PIGR: variants seen among roughly 807,000 people sequenced by gnomAD.
PIGR encodes polymeric immunoglobulin receptor.
Under a neutral mutation model 69.5 loss-of-function variants are expected in PIGR, and 22 were observed. The observed-to-expected ratio is 0.32, with a 90% CI of 0.23 to 0.45. The LOEUF is 0.45. Ranked by LOEUF, PIGR falls within the 20% of genes least tolerant of loss-of-function variation. The probability of loss-of-function intolerance (pLI) is 1.00; values close to 1 mark genes in which losing one functional copy is unlikely to be tolerated. For missense variants in PIGR, 885 were observed against 974.0 expected (o/e 0.91, Z 1.22); for synonymous variants, 413 against 407.6 (o/e 1.01, Z -0.16).
rs372226515 is a variant in PIGR at position 206,932,543 on chromosome 1, C to T, written c.1921G>A (p.Val641Ile). The change falls in exon 8 of 11, where the codon GTC (valine) becomes ATC (isoleucine). Residue 641 changes from valine (V) to isoleucine (I), a missense_variant. Coordinates refer to ENST00000356495, the MANE Select transcript of PIGR (RefSeq NM_002644.4). ...AGGCCCAGGGGCACCAGGGTGGAGA[C>T]CAGCGCTCTGGAGCTTCCACCTTGT... ...EEQGGSSRAL[V>I]STLVPLGLVL... is the part of the protein sequence containing the mutation. The T allele has an allele frequency of 2.5e-6, 4 of 1,613,920 alleles. No homozygotes were observed. The highest frequency in any genetic ancestry group is 2.5e-6 in the Non-Finnish European group (3 of 1,179,948).
At chr1:206,944,330 G>A (rs1572649891) in intron 1 of PIGR, among the ~76,000 whole-genome samples, 1 of 152,212 alleles carries the variant, frequency 6.6e-6, no homozygotes, top group East Asian at 1.9e-4. Context: ...AAAGTTAGCT[G>A]GGTGTGGTGG....
intron 1 of PIGR, among the ~76,000 whole-genome samples, chr1:206,944,306 G>A (rs1427927575): frequency 6.6e-6 from 1 of 151,996 alleles, no homozygotes; most frequent in East Asian, 1.9e-4. Flanking sequence ...AACCCCATCT[G>A]TACTAAAAGT....
In PIGR at chr1:206,935,403, G is replaced by A. The variant is rs1366920705; in HGVS notation, c.1378+83C>T. On this transcript the variant is annotated intron_variant, in intron 5 of 10. Coordinates refer to ENST00000356495, the MANE Select transcript of PIGR (RefSeq NM_002644.4). The surrounding 1 kb of genome is among the most constrained non-coding windows in gnomAD (Gnocchi z 4.4). Reference sequence around the variant, plus strand: ...GTCTGGCCCATCAGGGTGGAGGCGGGTGAAAAAGGAGGAAGAGTGGTTGGG... The same window carrying A: ...GTCTGGCCCATCAGGGTGGAGGCGGATGAAAAAGGAGGAAGAGTGGTTGGG... 9.8e-6 allele frequency: 12 copies of A among 1,221,650 alleles called. No homozygotes were observed. Among genetic ancestry groups the A allele is most frequent in the Middle Eastern group, 2.2e-4 (1 of 4,606 alleles). 75.7% of individuals were successfully genotyped at this position (1,221,650 alleles called of 1,614,324 possible). A position where few individuals can be genotyped will look rare whatever the true frequency, so the allele number is the denominator to read the frequency against.
rs777674452 is a variant in PIGR at position 206,937,441 on chromosome 1, A to G, written c.699T>C (p.Ala233=). 2 of 1,614,182 alleles carry G rather than the reference A, an allele frequency of 1.2e-6. No individual in the cohort carries two copies. Among genetic ancestry groups the G allele is most frequent in the Non-Finnish European group, 1.7e-6 (2 of 1,180,010 alleles). The stretch of plus-strand genomic sequence containing the variant: ...GCTCGGGCTTTAGCACTTGGAGGTC[A>G]GCATTCTTCTTATTACTATTGGAAT... ...GDDSNSNKKN[A]DLQVLKPEPE... Residue 233 remains alanine, a synonymous_variant, in exon 4 of 11, where the codon GCT becomes GCC. Transcript: ENST00000356495.
intron 1 of PIGR, among the ~76,000 whole-genome samples, chr1:206,945,780 T>A (rs540773431): frequency 4.3e-4 from 66 of 152,358 alleles, no homozygotes; most frequent in African/African-American, 1.6e-3. Context: ...ATGCGCACTA[T>A]CTAATTCCAG....
In PIGR at chr1:206,935,888, C is replaced by G; in HGVS notation, c.1046-70G>C. 1 of 1,217,298 alleles carries G rather than the reference C, an allele frequency of 8.2e-7. No homozygotes were observed. Among genetic ancestry groups the G allele is most frequent in the South Asian group, 1.5e-5 (1 of 68,788 alleles). 75.4% of individuals were successfully genotyped at this position (1,217,298 alleles called of 1,614,324 possible). On this transcript the variant is annotated intron_variant, in intron 4 of 10. Coordinates refer to ENST00000356495, the MANE Select transcript of PIGR (RefSeq NM_002644.4). The surrounding 1 kb of genome is among the most constrained non-coding windows in gnomAD (Gnocchi z 4.4). The stretch of plus-strand genomic sequence containing the variant: ...AAGAGCCTTGCGTGGCCTGAGAAGC[C>G]TTCTTCCCGGGGTCTCAGCCAGGAT...
Position 206,931,513 on chromosome 1 carries a change from G to A in PIGR, c.2183C>T (p.Pro728Leu). Residue 728 changes from proline to leucine, a missense_variant, in exon 10 of 11, where the codon CCC (proline) becomes CTC (leucine). Pro to Leu is a moderately conservative substitution (Grantham distance 98). Transcript: ENST00000356495. ...CCTCCTCACCCTTTTTGCCTTCTTG[G>A]GTTCTTTGGTCTCTGTGGTGCTCTC... ...TTESTTETKE[P>L]KKAKRSSKEE... 1 of 1,613,866 alleles carries A rather than the reference G, an allele frequency of 6.2e-7. No homozygotes were observed. The highest frequency in any genetic ancestry group is 8.5e-7 in the Non-Finnish European group (1 of 1,179,948).
chr1:206,944,968 G>A (rs531038860), intron 1 of PIGR, among the ~76,000 whole-genome samples: 3 of 152,270 alleles, frequency 2.0e-5, no homozygotes, highest in South Asian at 4.1e-4. Context: ...AGAATGAGAC[G>A]AAGGTGTGAA....
intron 2 of PIGR, 34 bp downstream of exon 2, chr1:206,940,455 T>C: frequency 6.5e-7 from 1 of 1,548,284 alleles, no homozygotes; most frequent in Non-Finnish European, 8.7e-7. Context: ...GCTGAAGGGG[T>C]GGAGCTTGGA....
At chr1:206,931,877 T>C (rs927765149) in intron 8 of PIGR, 75 bp from the exon 9 acceptor site, 56 of 1,550,394 alleles carry the variant, frequency 3.6e-5, no homozygotes, top group Middle Eastern at 4.3e-4. Context: ...TGCTTCTCTC[T>C]GGGCGGATCC....
chr1:206,930,851 C>T lies in PIGR; in HGVS notation c.2200-438G>A. The T allele has an allele frequency of 3.0e-6, 3 of 985,312 alleles. No individual in the cohort carries two copies. The highest frequency in any genetic ancestry group is 3.6e-6 in the Non-Finnish European group (3 of 829,906). 61.0% of individuals were successfully genotyped at this position (985,312 alleles called of 1,614,324 possible). On this transcript the variant is annotated intron_variant, in intron 10 of 10. Transcript: ENST00000356495. This position sits in a 1 kb window ranked among gnomAD's most constrained non-coding sequence, Gnocchi z 4.3. ...AACTCGTTCTAACTTTGCTAAATGC[C>T]AGAGATGTTTCAAGAAAAAGTAGAT...
Position 206,935,644 on chromosome 1 carries a change from G to A in PIGR, c.1220C>T (p.Ala407Val). The change falls in exon 5 of 11, where the codon GCC becomes GTC. Residue 407 changes from alanine to valine, a missense_variant. Transcript: ENST00000356495. This position sits in a 1 kb window ranked among gnomAD's most constrained non-coding sequence, Gnocchi z 4.4. The part of the protein sequence containing the change: ...LLVDSEGWVK[A>V]QYEGRLSLLE... The stretch of plus-strand genomic sequence containing the variant: ...CAGGGAGAGGCGGCCCTCGTACTGG[G>A]CCTTAACCCACCCCTCGCTGTCCAC... 6.2e-7 allele frequency: 1 copy of A among 1,614,028 alleles called. No individual in the cohort carries two copies. The highest frequency in any genetic ancestry group is 8.5e-7 in the Non-Finnish European group (1 of 1,179,972).
In PIGR at chr1:206,945,719, C is replaced by T. The variant is rs1373446317; in HGVS notation, c.-54+617G>A. ...TGAACATGCCTTTGCCAGAAAGCCA[C>T]AAGTGGGAAACCTCAAAGAATGGAA... On this transcript the variant is annotated intron_variant, in intron 1 of 10. Coordinates refer to ENST00000356495, the MANE Select transcript of PIGR (RefSeq NM_002644.4). Among the ~76,000 whole-genome samples the T allele has an allele frequency of 3.9e-5, 6 of 152,242 alleles. No individual in the cohort carries two copies. The East Asian group carries it at 1.2e-3, about 29-fold the overall frequency.
chr1:206,931,881 C>A (rs547298001), intron 8 of PIGR, 79 bp from the exon 9 acceptor site: 534 of 1,526,570 alleles, frequency 3.5e-4, no homozygotes, highest in Admixed American at 8.0e-4. Flanking sequence ...TCTCTCTGGG[C>A]GGATCCACTG....
Position 206,930,269 on chromosome 1 carries a change from G to T in PIGR, c.*49C>A. 1.3e-6 allele frequency: 2 copies of T among 1,521,408 alleles called. No individual in the cohort carries two copies. The highest frequency in any genetic ancestry group is 1.8e-4 in the Middle Eastern group (1 of 5,466). The allele number at this position is 1,521,408 out of a possible 1,614,324, so 94.2% of individuals were successfully genotyped here. ...GAGCTGAGGGCCCCAGGATCGACAT[G>T]ATTCTGAAGGTGATTGTCATGGGTG... On this transcript the variant is annotated 3_prime_UTR_variant, in exon 11 of 11. Coordinates refer to ENST00000356495, the MANE Select transcript of PIGR (RefSeq NM_002644.4). This position sits in a 1 kb window ranked among gnomAD's most constrained non-coding sequence, Gnocchi z 4.3.
At chr1:206,939,527 C>A (rs1572647157) in intron 2 of PIGR, 64 bp from the exon 3 acceptor site, 3 of 1,166,344 alleles carry the variant, frequency 2.6e-6, no homozygotes, top group African/African-American at 1.5e-5. Flanking sequence ...TCCAGATAAC[C>A]CACTATGAGT....
rs377595528 is a variant in PIGR at position 206,934,604 on chromosome 1, G to C, written c.1521C>G (p.Pro507=). The change falls in exon 6 of 11, where the codon CCC becomes CCG. Residue 507 remains proline, a synonymous_variant. Coordinates refer to ENST00000356495, the MANE Select transcript of PIGR (RefSeq NM_002644.4). ...KWNNTGCQAL[P]SQDEGPSKAF... Reference sequence around the variant, plus strand: ...CCTTGCTGGGGCCTTCGTCTTGGCTGGGCAGGGCCTGGCAGCCCGTGTTAT... The same window carrying C: ...CCTTGCTGGGGCCTTCGTCTTGGCTCGGCAGGGCCTGGCAGCCCGTGTTAT... 3.1e-6 allele frequency: 5 copies of C among 1,614,212 alleles called. No homozygotes were observed. Among genetic ancestry groups the C allele is most frequent in the Non-Finnish European group, 4.2e-6 (5 of 1,180,036 alleles).
chr1:206,936,999 T>C, intron 4 of PIGR, 96 bp downstream of exon 4: 1 of 1,158,402 alleles, frequency 8.6e-7, no homozygotes, highest in Non-Finnish European at 1.2e-6. Flanking sequence ...TGTTGGCTGA[T>C]TGATGACTAT....
intron 2 of PIGR, 107 bp from the exon 3 acceptor site, chr1:206,939,570 G>A (rs1022091023): frequency 5.6e-5 from 38 of 683,766 alleles, no homozygotes; most frequent in Non-Finnish European, 8.8e-5. Flanking sequence ...CGTAGGCCCT[G>A]TGTTGATAAT....
Sources: gnomAD v4.1 joint callset for allele counts (sites outside exome capture counted in the v4.1 genomes callset) on GRCh38, gnomAD v4.1.1 for gene constraint, Gnocchi (gnomAD v3.1) non-coding constraint, MANE v1.5 for transcripts, NCBI Gene and HGNC (gene_info 2026-07-23, HGNC 2026-07-21) for gene names.